FZR1: variants seen among roughly 807,000 people sequenced by gnomAD.
FZR1 encodes fizzy and cell division cycle 20 related 1, also known as fizzy-related protein homolog.
FZR1 carries 11 observed loss-of-function variants against 63.6 expected under a neutral mutation model. The ratio of observed to expected loss-of-function variants is 0.17; its 90% CI spans 0.11 to 0.29. FZR1 has a LOEUF of 0.29. FZR1 is among the 10% of genes least tolerant of loss of function. FZR1 has a pLI of 1.00. For missense variants in FZR1, 440 were observed against 687.5 expected (o/e 0.64, Z 4.03); for synonymous variants, 328 against 297.9 (o/e 1.10, Z -1.04).
At chr19:3,506,700 C>G (rs1040845979) in intron 1 of FZR1, among the ~76,000 whole-genome samples, 70 of 151,832 alleles carry the variant, frequency 4.6e-4, no homozygotes, top group African/African-American at 1.6e-3. Context: ...GCGTCCCCCC[C>G]ACGTCGGGGC....
In FZR1 at chr19:3,506,355, G is replaced by C. The variant is rs1442771075; in HGVS notation, c.-154G>C. The C allele has an allele frequency of 6.6e-6, 1 of 151,202 alleles. No homozygotes were observed. The highest frequency in any genetic ancestry group is 1.9e-4 in the East Asian group (1 of 5,134). The allele number at this position is 151,202 out of a possible 1,614,324, so 9.4% of individuals were successfully genotyped here. A position where few individuals can be genotyped will look rare whatever the true frequency, so the allele number is the denominator to read the frequency against. ...CCATATTAGGGACCGCGGAGCCCGG[G>C]ATCCCGTCAGCGGCGGCCGCGGCCG... On this transcript the variant is annotated 5_prime_UTR_variant, in exon 1 of 14. Transcript: ENST00000441788.
Position 3,533,779 on chromosome 19 carries a change from CT to C in FZR1, c.1347+383del, listed in dbSNP as rs1464250950. 1 of 206,590 alleles carries C rather than the reference CT, an allele frequency of 4.8e-6. No individual in the cohort carries two copies. Among genetic ancestry groups the C allele is most frequent in the African/African-American group, 2.3e-5 (1 of 43,038 alleles). The allele number at this position is 206,590 out of a possible 1,614,324, so 12.8% of individuals were successfully genotyped here. ...GGCTGGATGGGGGCCAGGAGGCGTC[CT>C]TGGCCCCACGTGCCCTCACTTGCCA... On this transcript the variant is annotated intron_variant, in intron 12 of 13. Coordinates refer to ENST00000441788, the MANE Select transcript of FZR1 (RefSeq NM_016263.4). This position sits in a 1 kb window ranked among gnomAD's most constrained non-coding sequence, Gnocchi z 4.9.
chr19:3,508,195 ATTTTCTTTTT>A (rs2082999255), intron 1 of FZR1, among the ~76,000 whole-genome samples: 1 of 102,580 alleles, frequency 9.7e-6, no homozygotes, highest in East Asian at 3.9e-4. Flanking sequence ...GGCTACATTG[ATTTTCTTTTT>A]TTTTTTTTTT....
At chr19:3,520,328 A>G (rs1035718505) in intron 1 of FZR1, among the ~76,000 whole-genome samples, 14 of 152,110 alleles carry the variant, frequency 9.2e-5, no homozygotes, top group African/African-American at 3.4e-4. Flanking sequence ...TGGCCCCAGT[A>G]GGGGGCAGGC....
chr19:3,532,002 G>A lies in FZR1; in HGVS notation c.915G>A (p.Ser305=), dbSNP rs185829085. 2.6e-4 allele frequency: 405 copies of A among 1,566,122 alleles called. 1 individual carries two copies. The African/African-American group carries it at 4.5e-3, about 17-fold the overall frequency. The part of the protein sequence containing the change: ...QRDIRTPPLQ[S]ERRLQGHRQE... The stretch of plus-strand genomic sequence containing the variant: ...ACATCCGCACCCCGCCACTGCAGTC[G>A]GAGCGGCGGCTGCAGGGCCACCGGC... Residue 305 remains serine (S), a synonymous_variant, in exon 10 of 14, where the codon TCG becomes TCA. Coordinates refer to ENST00000441788, the MANE Select transcript of FZR1 (RefSeq NM_016263.4).
chr19:3,530,704 G>A (rs1212670236), intron 7 of FZR1, 88 bp from the exon 8 acceptor site: 38 of 916,088 alleles, frequency 4.1e-5, no homozygotes, highest in African/African-American at 8.2e-5. Context: ...GAGAGTGGAT[G>A]GGTGAGACAG....
chr19:3,525,991 A>T lies in FZR1; in HGVS notation c.193A>T (p.Asn65Tyr). ...CTGGAGCGTGAACTTCCACAGGATT[A>T]ACGTGAGGGGCTGGCTGGGCAGGAG... ...ANWSVNFHRI[N>Y]ENEKSPSQNR... The change falls in exon 3 of 14, where the codon AAC becomes TAC. Residue 65 changes from asparagine to tyrosine, a missense_variant and splice_region_variant. Coordinates refer to ENST00000441788, the MANE Select transcript of FZR1 (RefSeq NM_016263.4). This position sits in a 1 kb window ranked among gnomAD's most constrained non-coding sequence, Gnocchi z 4.2. 6.2e-7 allele frequency: 1 copy of T among 1,612,052 alleles called. No homozygotes were observed. Among genetic ancestry groups the T allele is most frequent in the Non-Finnish European group, 8.5e-7 (1 of 1,179,662 alleles).
At chr19:3,534,035 C>T (rs2083273060) in intron 12 of FZR1, among the ~76,000 whole-genome samples, 1 of 151,774 alleles carries the variant, frequency 6.6e-6, no homozygotes, top group African/African-American at 2.4e-5. Flanking sequence ...CCAGCCTGGG[C>T]AACATAGCAA....
chr19:3,525,863 T>C lies in FZR1; in HGVS notation c.70-5T>C, dbSNP rs1345731333. ...GAGAGCAAGCCCTCTGCTGATGCCC[T>C]TCAGGTCACAGAGATGCGGCGGACC... On this transcript the variant is annotated splice_polypyrimidine_tract_variant and splice_region_variant and intron_variant, in intron 2 of 13. Transcript: ENST00000441788. The surrounding 1 kb of genome is among the most constrained non-coding windows in gnomAD (Gnocchi z 4.2). The C allele has an allele frequency of 5.6e-6, 9 of 1,610,476 alleles. No homozygotes were observed. The highest frequency in any genetic ancestry group is 7.6e-6 in the Non-Finnish European group (9 of 1,179,848).
intron 1 of FZR1, among the ~76,000 whole-genome samples, chr19:3,510,689 G>A (rs2083018057): frequency 6.6e-6 from 1 of 152,136 alleles, no homozygotes; most frequent in Admixed American, 6.6e-5. Flanking sequence ...TGGTCTGTTT[G>A]CCCTGGAGAG....
intron 2 of FZR1, among the ~76,000 whole-genome samples, chr19:3,523,805 C>T (rs999170170): frequency 6.6e-6 from 1 of 152,256 alleles, no homozygotes; most frequent in Non-Finnish European, 1.5e-5. Flanking sequence ...TCGCAGCTCC[C>T]TCAGTGCCAG....
chr19:3,520,278 C>T lies in FZR1; in HGVS notation c.-34-2678C>T, dbSNP rs745432672. ...GTGGGTGGGGAGAGGCCATTCTGGG[C>T]GAGGGAGAAGGGGATGGGGAGGAGG... On this transcript the variant is annotated intron_variant, in intron 1 of 13. Coordinates refer to ENST00000441788, the MANE Select transcript of FZR1 (RefSeq NM_016263.4). Among the ~76,000 whole-genome samples, 11 of 152,068 alleles carry T rather than the reference C, an allele frequency of 7.2e-5. No individual in the cohort carries two copies. In the East Asian group the frequency reaches 9.7e-4, roughly 13 times the overall value.
At chr19:3,523,681 G>A (rs979757596) in intron 2 of FZR1, among the ~76,000 whole-genome samples, 2 of 152,236 alleles carry the variant, frequency 1.3e-5, no homozygotes, top group Non-Finnish European at 2.9e-5. Context: ...TGTGATAGAC[G>A]CCCAAGCCAT....
In FZR1 at chr19:3,525,432, CTTTT is replaced by C. The variant is rs57486013; in HGVS notation, c.70-411_70-408del. The stretch of plus-strand genomic sequence containing the variant: ...TGTGTGGCTCCCCTCCTTGGGTTTT[CTTTT>C]TTTTTTTTTTTTTTTTTTTTTTTTG... On this transcript the variant is annotated intron_variant, in intron 2 of 13. Coordinates refer to ENST00000441788, the MANE Select transcript of FZR1 (RefSeq NM_016263.4). The surrounding 1 kb of genome is among the most constrained non-coding windows in gnomAD (Gnocchi z 4.2). Among the ~76,000 whole-genome samples, 12 of 68,698 alleles carry C rather than the reference CTTTT, an allele frequency of 1.7e-4. No individual in the cohort carries two copies. The highest frequency in any genetic ancestry group is 5.9e-4 in the Admixed American group (3 of 5,124). 45.1% of individuals were successfully genotyped at this position (68,698 alleles called of 152,430 possible).
chr19:3,533,198 C>T lies in FZR1; in HGVS notation c.1243-96C>T. ...TCCTGGGCTGGCTGGCGGCTCTGAG[C>T]TCTCACATGGGCTCAGGCGGGTGCA... On this transcript the variant is annotated intron_variant, in intron 11 of 13. Coordinates refer to ENST00000441788, the MANE Select transcript of FZR1 (RefSeq NM_016263.4). This position sits in a 1 kb window ranked among gnomAD's most constrained non-coding sequence, Gnocchi z 4.9. 5 of 778,472 alleles carry T rather than the reference C, an allele frequency of 6.4e-6. No individual in the cohort carries two copies. The highest frequency in any genetic ancestry group is 4.4e-5 in the South Asian group (3 of 68,430). The allele number at this position is 778,472 out of a possible 1,614,324, so 48.2% of individuals were successfully genotyped here. A position where few individuals can be genotyped will look rare whatever the true frequency, so the allele number is the denominator to read the frequency against.
At position 3,530,914 on chromosome 19, in the gene FZR1, T is replaced by C. The variant is rs186763521; in HGVS notation, c.720+57T>C. 135 of 1,390,338 alleles carry C rather than the reference T, an allele frequency of 9.7e-5. 2 individuals are homozygous for C. The Admixed American group carries it at 1.4e-3, about 15-fold the overall frequency. 86.1% of individuals were successfully genotyped at this position (1,390,338 alleles called of 1,614,324 possible). The stretch of plus-strand genomic sequence containing the variant: ...AGATCTGATGGGGCTCTTGACAGTG[T>C]TGGGGGCCTTGAAGACCCAGAGGGT... On this transcript the variant is annotated intron_variant, in intron 8 of 13. Coordinates refer to ENST00000441788, the MANE Select transcript of FZR1 (RefSeq NM_016263.4).
intron 2 of FZR1, among the ~76,000 whole-genome samples, chr19:3,524,849 G>A (rs1203976590): frequency 6.6e-6 from 1 of 152,102 alleles, no homozygotes; most frequent in East Asian, 1.9e-4. Flanking sequence ...CTCTTCTTAT[G>A]AGGATGCTTG....
At position 3,530,232 on chromosome 19, in the gene FZR1, G is replaced by A. The variant is rs575716860; in HGVS notation, c.655-560G>A. 2.5e-3 allele frequency among the ~76,000 whole-genome samples: 335 copies of A among 131,706 alleles called. 21 individuals carry two copies. Among genetic ancestry groups the A allele is most frequent in the African/African-American group, 9.4e-3 (317 of 33,786 alleles). The allele number at this position is 131,706 out of a possible 152,430, so 86.4% of individuals were successfully genotyped here. On this transcript the variant is annotated intron_variant, in intron 7 of 13. Coordinates refer to ENST00000441788, the MANE Select transcript of FZR1 (RefSeq NM_016263.4). ...CAGATGGGAGAGTGGATGGGTGAGC[G>A]GATGGGAGAGCAGATGGGTGAGCGG...
rs893619933 is a variant in FZR1 at position 3,535,505 on chromosome 19, G to C, written c.*669G>C. ...ATCTGTGTCATGGCCATCGCCCGGC[G>C]GTCAGTGGGCTTCAGATGGGCCTGT... is the stretch of plus-strand genomic sequence containing the variant. On this transcript the variant is annotated 3_prime_UTR_variant, in exon 14 of 14. Coordinates refer to ENST00000441788, the MANE Select transcript of FZR1 (RefSeq NM_016263.4). 4.6e-5 allele frequency: 7 copies of C among 152,966 alleles called. No homozygotes were observed. Among genetic ancestry groups the C allele is most frequent in the Admixed American group, 1.3e-4 (2 of 15,338 alleles). 9.5% of individuals were successfully genotyped at this position (152,966 alleles called of 1,614,324 possible).
Sources: gnomAD v4.1 joint callset for allele counts (sites outside exome capture counted in the v4.1 genomes callset) on GRCh38, gnomAD v4.1.1 for gene constraint, Gnocchi (gnomAD v3.1) non-coding constraint, MANE v1.5 for transcripts, NCBI Gene and HGNC (gene_info 2026-07-23, HGNC 2026-07-21) for gene names.